NR2E3: variants seen among roughly 807,000 people sequenced by gnomAD.
NR2E3 encodes the protein photoreceptor-specific nuclear receptor.
A neutral mutation model predicts 37.6 loss-of-function variants in NR2E3; 38 were observed. The ratio of observed to expected loss-of-function variants is 1.01; its 90% CI spans 0.78 to 1.33. The LOEUF (loss-of-function observed/expected upper bound fraction) is 1.33, where lower values mean the gene tolerates loss of function less well. Ranked by LOEUF, NR2E3 falls within the 40% of genes most tolerant of loss-of-function variation. The pLI is 0.00. For missense variants in NR2E3, 562 were observed against 558.7 expected, an observed-to-expected ratio of 1.01 and a Z score of -0.06; for synonymous variants, 235 against 225.1, an observed-to-expected ratio of 1.04 and a Z score of -0.39.
At position 71,810,749 on chromosome 15, in the gene NR2E3, G is replaced by T; in HGVS notation, c.6G>T (p.Glu2Asp). 2 of 1,568,642 alleles carry T rather than the reference G, an allele frequency of 1.3e-6. No individual in the cohort carries two copies. The highest frequency in any genetic ancestry group is 2.4e-5 in the South Asian group (2 of 84,978). ...CAGAGGCTGCCCTGTAACCCATGGA[G>T]ACCAGACCAACAGCTCTGATGAGCT... Reference protein sequence around the residue: METRPTALMSST... With the variant: MDTRPTALMSST... The change falls in exon 1 of 8, where the codon GAG becomes GAT. Residue 2 changes from glutamate to aspartate, a missense_variant. Coordinates refer to ENST00000617575, the MANE Select transcript of NR2E3 (RefSeq NM_014249.4).
At position 71,812,151 on chromosome 15, in the gene NR2E3, C is replaced by T. The variant is rs754265589; in HGVS notation, c.546C>T (p.Thr182=). The change falls in exon 4 of 8, where the codon ACC becomes ACT. Residue 182 remains threonine (T), a synonymous_variant. Coordinates refer to ENST00000617575, the MANE Select transcript of NR2E3 (RefSeq NM_014249.4). ...HFMASLITAE[T]CAKLEPEDAD... ...TGGCCAGCCTTATAACAGCTGAAAC[C>T]TGTGCTAAGCTGGAGCCAGAGGATG... 3.8e-6 allele frequency: 6 copies of T among 1,569,990 alleles called. No individual in the cohort carries two copies. The highest frequency in any genetic ancestry group is 1.4e-5 in the African/African-American group (1 of 73,842).
At chr15:71,814,312 C>T (rs2054211028) in intron 7 of NR2E3, 195 bp downstream of exon 7, 2 of 1,382,690 alleles carry the variant, frequency 1.4e-6, no homozygotes, top group South Asian at 1.8e-5. Context: ...TAAGACAAAG[C>T]TACTGCCTTC....
At position 71,811,541 on chromosome 15, in the gene NR2E3, T is replaced by C. The variant is rs761264112; in HGVS notation, c.177T>C (p.Tyr59=). The C allele has an allele frequency of 5.7e-6, 9 of 1,591,898 alleles. No homozygotes were observed. The highest frequency in any genetic ancestry group is 4.0e-5 in the African/African-American group (3 of 74,496). ...VCGDSSSGKH[Y]GIYACNGCSG... ...GAGACAGCAGCAGCGGGAAGCACTA[T>C]GGCATCTATGCCTGCAACGGCTGCA... Residue 59 remains tyrosine (Y), a synonymous_variant, in exon 2 of 8, where the codon TAT becomes TAC. Coordinates refer to ENST00000617575, the MANE Select transcript of NR2E3 (RefSeq NM_014249.4). The surrounding 1 kb of genome is among the most constrained non-coding windows in gnomAD (Gnocchi z 5.6).
At chr15:71,814,597 G>T in intron 7 of NR2E3, 1 of 939,178 alleles carries the variant, frequency 1.1e-6, no homozygotes. Context: ...GAAATGGGGA[G>T]AATAAGCCAG....
chr15:71,813,443 T>C lies in NR2E3; in HGVS notation c.802T>C (p.Trp268Arg), dbSNP rs971582382. 3 of 1,610,576 alleles carry C rather than the reference T, an allele frequency of 1.9e-6. No individual in the cohort carries two copies. Among genetic ancestry groups the C allele is most frequent in the Non-Finnish European group, 2.5e-6 (3 of 1,178,450 alleles). Residue 268 changes from tryptophan (W) to arginine (R), a missense_variant, in exon 6 of 8, where the codon TGG becomes CGG. Trp to Arg is a moderately radical substitution (Grantham distance 101). Coordinates refer to ENST00000617575, the MANE Select transcript of NR2E3 (RefSeq NM_014249.4). This position sits in a 1 kb window ranked among gnomAD's most constrained non-coding sequence, Gnocchi z 4.7. Reference sequence around the variant, plus strand: ...ACTCTTTCTCCTCGGGGCCATCCAGTGGTCTCTGCCTCTGGACAGCTGTCC... The same window carrying C: ...ACTCTTTCTCCTCGGGGCCATCCAGCGGTCTCTGCCTCTGGACAGCTGTCC... Reference protein sequence around the residue: ...SELFLLGAIQWSLPLDSCPLL... With the variant: ...SELFLLGAIQRSLPLDSCPLL...
intron 7 of NR2E3, chr15:71,815,070 G>A (rs1366419449): frequency 4.0e-6 from 1 of 251,490 alleles, no homozygotes; most frequent in Non-Finnish European, 6.3e-6. Flanking sequence ...AGGTTTGGGG[G>A]AGAGTTGCTG....
In NR2E3 at chr15:71,812,494, C is replaced by T; in HGVS notation, c.730C>T (p.Leu244=). 6.2e-7 allele frequency: 1 copy of T among 1,611,856 alleles called. No homozygotes were observed. Among genetic ancestry groups the T allele is most frequent in the Non-Finnish European group, 8.5e-7 (1 of 1,178,456 alleles). ...WAKNLPVFSS[L]PFRDQVILLE... is the part of the protein sequence containing the mutation. ...CAAGAACCTGCCTGTGTTCTCCAGC[C>T]TGCCCTTCCGGGATCAGGTACCTAC... Residue 244 remains leucine (L), a synonymous_variant, in exon 5 of 8, where the codon CTG becomes TTG. Transcript: ENST00000617575.
rs534483995 is a variant in NR2E3, at chr15:71,810,793, C to T, written c.50C>T (p.Ala17Val). 57 of 1,576,504 alleles carry T rather than the reference C, an allele frequency of 3.6e-5. No homozygotes were observed. The highest frequency in any genetic ancestry group is 3.3e-4 in the Middle Eastern group (2 of 5,976). ...ATGAGCTCCACAGTGGCTGCAGCTGCGCCTGCAGCTGGGGCTGCCTCCAGG... is the reference window on the plus strand; with the variant it reads ...ATGAGCTCCACAGTGGCTGCAGCTGTGCCTGCAGCTGGGGCTGCCTCCAGG... ...ALMSSTVAAA[A>V]PAAGAASRKE... is the part of the protein sequence containing the mutation. The change falls in exon 1 of 8, where the codon GCG (alanine) becomes GTG (valine). Residue 17 changes from alanine to valine, a missense_variant. Ala to Val is a moderately conservative substitution (Grantham distance 64). Coordinates refer to ENST00000617575, the MANE Select transcript of NR2E3 (RefSeq NM_014249.4).
intron 7 of NR2E3, among the ~76,000 whole-genome samples, chr15:71,816,581 A>G (rs1348274868): frequency 6.9e-6 from 1 of 145,406 alleles, no homozygotes; most frequent in Non-Finnish European, 1.5e-5. Flanking sequence ...CTTATTTAAA[A>G]CAATAAATAT....
rs2054177098 is a variant in NR2E3, at chr15:71,811,372, C to T, written c.119-111C>T. Reference sequence around the variant, plus strand: ...AGTCACGCGTGGGTTCGTTCAAATGCGGGTGAGCGGGGCCTGAGGACTGGG... The same window carrying T: ...AGTCACGCGTGGGTTCGTTCAAATGTGGGTGAGCGGGGCCTGAGGACTGGG... On this transcript the variant is annotated intron_variant, in intron 1 of 7. Transcript: ENST00000617575. This position sits in a 1 kb window ranked among gnomAD's most constrained non-coding sequence, Gnocchi z 5.6. 10 of 992,810 alleles carry T rather than the reference C, an allele frequency of 1.0e-5. No individual in the cohort carries two copies. The highest frequency in any genetic ancestry group is 3.2e-5 in the African/African-American group (2 of 62,102). The allele number at this position is 992,810 out of a possible 1,614,324, so 61.5% of individuals were successfully genotyped here.
Position 71,813,480 on chromosome 15 carries a change from C to G in NR2E3, c.839C>G (p.Pro280Arg). 1.2e-6 allele frequency: 2 copies of G among 1,610,478 alleles called. No homozygotes were observed. The highest frequency in any genetic ancestry group is 2.2e-5 in the South Asian group (2 of 90,380). The change falls in exon 6 of 8, where the codon CCG (proline) becomes CGG (arginine). Residue 280 changes from proline to arginine, a missense_variant. By Grantham distance (103) the Pro-to-Arg change is moderately radical. Coordinates refer to ENST00000617575, the MANE Select transcript of NR2E3 (RefSeq NM_014249.4). This position sits in a 1 kb window ranked among gnomAD's most constrained non-coding sequence, Gnocchi z 4.7. The part of the protein sequence containing the change: ...LPLDSCPLLA[P>R]PEASAAGGAQ... ...CTGGACAGCTGTCCTCTGCTGGCAC[C>G]GCCCGAGGCCTCTGCTGCCGGTGGT...
intron 5 of NR2E3, 145 bp downstream of exon 5, chr15:71,812,656 T>A: frequency 2.8e-6 from 2 of 721,030 alleles, no homozygotes; most frequent in Non-Finnish European, 4.4e-6. Context: ...CACATACCTC[T>A]GATTCAGCGA....
At position 71,817,656 on chromosome 15, in the gene NR2E3, A is replaced by T. The variant is rs749083390; in HGVS notation, c.1205A>T (p.Lys402Met). 6.2e-7 allele frequency: 1 copy of T among 1,606,458 alleles called. No homozygotes were observed. Among genetic ancestry groups the T allele is most frequent in the Admixed American group, 1.7e-5 (1 of 59,948 alleles). The change falls in exon 8 of 8, where the codon AAG (lysine) becomes ATG (methionine). Residue 402 changes from lysine to methionine, a missense_variant. Coordinates refer to ENST00000617575, the MANE Select transcript of NR2E3 (RefSeq NM_014249.4). The part of the protein sequence containing the change: ...RKTIGNTPME[K>M]LLCDMFKN ...ACCATAGGGAATACTCCAATGGAGA[A>T]GCTCCTTTGTGATATGTTCAAAAAC...
chr15:71,816,553 C>G (rs991234107), intron 7 of NR2E3, among the ~76,000 whole-genome samples: 6 of 152,016 alleles, frequency 3.9e-5, no homozygotes, highest in Non-Finnish European at 5.9e-5. Context: ...AGCCACCACG[C>G]TCAGCCAGCA....
Position 71,811,852 on chromosome 15 carries a change from C to G in NR2E3, c.332C>G (p.Ala111Gly), listed in dbSNP as rs759381786. Residue 111 changes from alanine to glycine, a missense_variant, in exon 3 of 8, where the codon GCG (alanine) becomes GGG (glycine). Physicochemically the swap from Ala to Gly is moderately conservative, Grantham distance 60. Coordinates refer to ENST00000617575, the MANE Select transcript of NR2E3 (RefSeq NM_014249.4). This position sits in a 1 kb window ranked among gnomAD's most constrained non-coding sequence, Gnocchi z 5.6. ...TGCCGGCTGAAGAAGTGCCTGCAGG[C>G]GGGGATGAACCAGGACGGTGAGGCG... ...QACRLKKCLQ[A>G]GMNQDAVQNE... The G allele has an allele frequency of 1.3e-6, 2 of 1,551,176 alleles. No homozygotes were observed. Among genetic ancestry groups the G allele is most frequent in the Non-Finnish European group, 1.7e-6 (2 of 1,146,942 alleles).
chr15:71,814,402 A>G lies in NR2E3; in HGVS notation c.1100+285A>G, dbSNP rs1595957705. ...TGAGGGTTGCATGAATCTGCAGGAG[A>G]CAGAGATCCCCTTGCATGGGAAACA... On this transcript the variant is annotated intron_variant, in intron 7 of 7. Transcript: ENST00000617575. 5 of 1,192,364 alleles carry G rather than the reference A, an allele frequency of 4.2e-6. No homozygotes were observed. The South Asian group carries it at 1.7e-4, about 41-fold the overall frequency. 73.9% of individuals were successfully genotyped at this position (1,192,364 alleles called of 1,614,324 possible).
In NR2E3 at chr15:71,813,219, G is replaced by A. The variant is rs769536398; in HGVS notation, c.748-170G>A. Among the ~76,000 whole-genome samples, 4 of 152,198 alleles carry A rather than the reference G, an allele frequency of 2.6e-5. No individual in the cohort carries two copies. The highest frequency in any genetic ancestry group is 2.1e-4 in the South Asian group (1 of 4,824). On this transcript the variant is annotated intron_variant, in intron 5 of 7. Transcript: ENST00000617575. This position sits in a 1 kb window ranked among gnomAD's most constrained non-coding sequence, Gnocchi z 4.7. ...GTCTCAGATGATAGGCAGCTGAGCC[G>A]GATGGTGCCAAATCCCAGAGCTCTG...
At chr15:71,812,735 G>A (rs948270322) in intron 5 of NR2E3, among the ~76,000 whole-genome samples, 9 of 152,202 alleles carry the variant, frequency 5.9e-5, no homozygotes, top group South Asian at 2.1e-4. Context: ...GATGATGGTC[G>A]GGGTGCACAC....
chr15:71,810,944 G>A (rs1032821173), intron 1 of NR2E3, 83 bp downstream of exon 1: 147 of 1,398,902 alleles, frequency 1.1e-4, no homozygotes, highest in Non-Finnish European at 1.4e-4. Flanking sequence ...GACCATGGAA[G>A]GAGCCAGAAC....
Sources: allele counts gnomAD v4.1 joint callset (sites outside exome capture counted in the v4.1 genomes callset), GRCh38; gene constraint gnomAD v4.1.1; non-coding constraint Gnocchi (gnomAD v3.1); transcripts MANE v1.5; gene names NCBI Gene and HGNC (gene_info 2026-07-23, HGNC 2026-07-21).